Variants in PRKCA observed in about 807,000 individuals in gnomAD.
PRKCA encodes the protein protein kinase C alpha type.
PRKCA carries 27 observed loss-of-function variants against 87.0 expected under a neutral mutation model. The observed-to-expected ratio is 0.31, with a 90% CI of 0.23 to 0.43. PRKCA has a LOEUF of 0.43. Ranked by LOEUF, PRKCA falls within the 20% of genes least tolerant of loss-of-function variation. The pLI is 1.00. For synonymous variants in PRKCA, 329 were observed against 311.1 expected (o/e 1.06, Z -0.61); for missense variants, 518 against 852.3 (o/e 0.61, Z 4.88).
intron 3 of PRKCA, among the ~76,000 whole-genome samples, chr17:66,590,246 C>G (rs373778110): frequency 1.2e-4 from 18 of 152,062 alleles, no homozygotes; most frequent in African/African-American, 3.9e-4. Context: ...CCCCTGGCTC[C>G]CCTCTCCACA....
chr17:66,342,445 AATAAT>A (rs1211356214), intron 2 of PRKCA, among the ~76,000 whole-genome samples: 5 of 12,222 alleles, frequency 4.1e-4, no homozygotes, highest in African/African-American at 1.5e-3. Flanking sequence ...TAAAATAAAT[AATAAT>A]AATAATAATA....
At chr17:66,483,534 G>T (rs1166433872) in intron 2 of PRKCA, among the ~76,000 whole-genome samples, 1 of 151,740 alleles carries the variant, frequency 6.6e-6, no homozygotes, top group African/African-American at 2.4e-5. Flanking sequence ...TGCAGTCTCA[G>T]CTCCCTGCAA....
chr17:66,313,364 G>A (rs1241754822), intron 2 of PRKCA, among the ~76,000 whole-genome samples: 1 of 152,098 alleles, frequency 6.6e-6, no homozygotes, highest in Non-Finnish European at 1.5e-5. Context: ...TTAAAGCTAA[G>A]CATACTTATT....
chr17:66,346,148 C>T (rs1019851846), intron 2 of PRKCA, among the ~76,000 whole-genome samples: 20 of 147,534 alleles, frequency 1.4e-4, no homozygotes, highest in Non-Finnish European at 1.9e-4. Flanking sequence ...AGCTGGAGTG[C>T]GCACGTGGCA....
intron 2 of PRKCA, among the ~76,000 whole-genome samples, chr17:66,348,015 C>T (rs1907509515): frequency 7.3e-6 from 1 of 136,706 alleles, no homozygotes; most frequent in Non-Finnish European, 1.5e-5. Context: ...AGTCTTAGCT[C>T]ACTGCAACCT....
At chr17:66,578,858 G>A (rs1969325547) in intron 3 of PRKCA, among the ~76,000 whole-genome samples, 2 of 152,150 alleles carry the variant, frequency 1.3e-5, no homozygotes, top group African/African-American at 2.4e-5. Flanking sequence ...TGTGGATCAC[G>A]TCCCCATGCC....
Position 66,413,978 on chromosome 17 carries a change from T to C in PRKCA, c.206-82223T>C, listed in dbSNP as rs373750469. Among the ~76,000 whole-genome samples, 4 of 145,688 alleles carry C rather than the reference T, an allele frequency of 2.7e-5. No homozygotes were observed. In the East Asian group the frequency reaches 6.1e-4, roughly 22 times the overall value. On this transcript the variant is annotated intron_variant, in intron 2 of 16. Coordinates refer to ENST00000413366, the MANE Select transcript of PRKCA (RefSeq NM_002737.3). ...CAGTGAGCCAGGATTGCACCACTGC[T>C]CTCCAGTCTGGGTGACAGAGTGAGA...
intron 5 of PRKCA, among the ~76,000 whole-genome samples, chr17:66,661,366 G>A (rs1461413347): frequency 1.3e-5 from 2 of 152,190 alleles, no homozygotes; most frequent in Non-Finnish European, 2.9e-5. Flanking sequence ...AAAACTGTAG[G>A]TAATGCAACA....
At chr17:66,742,985 C>T (rs1974190285) in intron 13 of PRKCA, among the ~76,000 whole-genome samples, 1 of 152,186 alleles carries the variant, frequency 6.6e-6, no homozygotes, top group South Asian at 2.1e-4. Context: ...TCCATGTGAG[C>T]CAGTTGCTTG....
chr17:66,423,092 T>C (rs1411172458), intron 2 of PRKCA, among the ~76,000 whole-genome samples: 2 of 151,338 alleles, frequency 1.3e-5, no homozygotes, highest in Non-Finnish European at 2.9e-5. Flanking sequence ...GCCTGGGTGA[T>C]AAAAGCGAGA....
At chr17:66,637,272 G>T (rs1567946678) in intron 3 of PRKCA, among the ~76,000 whole-genome samples, 1 of 152,144 alleles carries the variant, frequency 6.6e-6, no homozygotes, top group African/African-American at 2.4e-5. Flanking sequence ...GGCTCCGTGC[G>T]AGCTGCCATT....
chr17:66,488,595 G>A (rs543266187), intron 2 of PRKCA, among the ~76,000 whole-genome samples: 1 of 152,306 alleles, frequency 6.6e-6, no homozygotes, highest in African/African-American at 2.4e-5. Context: ...AGGAAGGAAT[G>A]CACAAAAGAT....
chr17:66,387,547 T>C (rs1226305427), intron 2 of PRKCA, among the ~76,000 whole-genome samples: 1 of 152,184 alleles, frequency 6.6e-6, no homozygotes, highest in African/African-American at 2.4e-5. Flanking sequence ...TTGCCCTTCC[T>C]ACAGGGCTGA....
chr17:66,383,637 T>C (rs1220283786), intron 2 of PRKCA, among the ~76,000 whole-genome samples: 3 of 152,176 alleles, frequency 2.0e-5, no homozygotes, highest in South Asian at 2.1e-4. Flanking sequence ...TCAACTTTCT[T>C]GGAGTACTTT....
At chr17:66,393,784 A>G (rs1335609270) in intron 2 of PRKCA, among the ~76,000 whole-genome samples, 1 of 152,010 alleles carries the variant, frequency 6.6e-6, no homozygotes, top group African/African-American at 2.4e-5. Context: ...TTAAAAGAGG[A>G]TACCTTTGGC....
intron 2 of PRKCA, among the ~76,000 whole-genome samples, chr17:66,437,053 A>G (rs1396763449): frequency 6.6e-6 from 1 of 152,208 alleles, no homozygotes; most frequent in Non-Finnish European, 1.5e-5. Context: ...TAGAAGAGGC[A>G]GCAGAGCAAA....
rs1413926459 is a variant in PRKCA, at chr17:66,792,737, C to T, written c.1854+3758C>T. On this transcript the variant is annotated intron_variant, in intron 16 of 16. Coordinates refer to ENST00000413366, the MANE Select transcript of PRKCA (RefSeq NM_002737.3). The surrounding 1 kb of genome is among the most constrained non-coding windows in gnomAD (Gnocchi z 4.5). ...AAGGAGAACAGAAAGAGGAGAGTGACCAGCATCGAGTGTGTGGGACAGTGG... is the reference window on the plus strand; with the variant it reads ...AAGGAGAACAGAAAGAGGAGAGTGATCAGCATCGAGTGTGTGGGACAGTGG... 2.0e-5 allele frequency among the ~76,000 whole-genome samples: 3 copies of T among 152,330 alleles called. No individual in the cohort carries two copies. In the East Asian group the frequency reaches 5.8e-4, roughly 29 times the overall value.
At chr17:66,451,306 A>G (rs191061574) in intron 2 of PRKCA, among the ~76,000 whole-genome samples, 229 of 152,152 alleles carry the variant, frequency 1.5e-3, no homozygotes, top group Non-Finnish European at 2.8e-3. Flanking sequence ...ATAGGATTCC[A>G]TTCTTTAATT....
rs115603108 is a variant in PRKCA at position 66,345,966 on chromosome 17, C to T, written c.205+39839C>T. Among the ~76,000 whole-genome samples the T allele has an allele frequency of 2.1e-3, 314 of 152,264 alleles. 1 individual carries two copies. Among genetic ancestry groups the T allele is most frequent in the African/African-American group, 6.8e-3 (284 of 41,546 alleles). ...CTAAGTAGATGATGGATGAATGCCACTGGAACATAATGTCCATGAGGGCAG... is the reference window on the plus strand; with the variant it reads ...CTAAGTAGATGATGGATGAATGCCATTGGAACATAATGTCCATGAGGGCAG... On this transcript the variant is annotated intron_variant, in intron 2 of 16. Transcript: ENST00000413366.
Sources: gnomAD v4.1 joint callset for allele counts (sites outside exome capture counted in the v4.1 genomes callset) on GRCh38, gnomAD v4.1.1 for gene constraint, Gnocchi (gnomAD v3.1) non-coding constraint, MANE v1.5 for transcripts, NCBI Gene and HGNC (gene_info 2026-07-23, HGNC 2026-07-21) for gene names.